DIAPH2: variants seen among roughly 807,000 people sequenced by gnomAD.
DIAPH2 encodes diaphanous related formin 2.
DIAPH2 carries 35 observed loss-of-function variants against 92.7 expected under a neutral mutation model. The ratio of observed to expected loss-of-function variants is 0.38; its 90% CI spans 0.29 to 0.50. The LOEUF is 0.50. Among genes scored for constraint, DIAPH2 ranks in the 20% least tolerant of loss-of-function variants. The pLI is 0.94. For missense variants in DIAPH2, 701 were observed against 819.5 expected (o/e 0.86, Z 1.77); for synonymous variants, 301 against 280.4 (o/e 1.07, Z -0.73).
At chrX:96,945,215 C>G (rs191126173) in intron 13 of DIAPH2, among the ~76,000 whole-genome samples, 1 of 110,841 alleles carries the variant, frequency 9.0e-6, no homozygotes, top group Non-Finnish European at 1.9e-5. Context: ...CACCTCTCCA[C>G]CCATAATAAA....
intron 5 of DIAPH2, among the ~76,000 whole-genome samples, chrX:96,891,540 A>G (rs1298061786): frequency 8.9e-6 from 1 of 112,113 alleles, no homozygotes; most frequent in African/African-American, 3.2e-5. Flanking sequence ...GGACAGTTTT[A>G]TTCCCAGCCA....
chrX:96,802,164 A>G (rs2064587578), intron 4 of DIAPH2, among the ~76,000 whole-genome samples: 1 of 111,779 alleles, frequency 8.9e-6, no homozygotes, highest in Admixed American at 9.6e-5. Flanking sequence ...ACCCAATCCC[A>G]TGTTTGTGAG....
At chrX:97,437,228 GTC>G (rs1298357529) in intron 26 of DIAPH2, among the ~76,000 whole-genome samples, 1 of 111,778 alleles carries the variant, frequency 8.9e-6, no homozygotes, top group Non-Finnish European at 1.9e-5. Context: ...AACTTTCTCA[GTC>G]TCTGTTTTAT....
intron 17 of DIAPH2, among the ~76,000 whole-genome samples, chrX:97,053,037 T>C (rs959768408): frequency 9.0e-6 from 1 of 111,500 alleles, no homozygotes; most frequent in African/African-American, 3.3e-5. Context: ...AATTTTCTTT[T>C]CAGGCCCCAT....
At chrX:96,894,141 A>G (rs1487167153) in intron 5 of DIAPH2, among the ~76,000 whole-genome samples, 3 of 111,840 alleles carry the variant, frequency 2.7e-5, no homozygotes, top group African/African-American at 9.7e-5. Context: ...ATATACCCGA[A>G]ATCAACCTAC....
intron 26 of DIAPH2, among the ~76,000 whole-genome samples, chrX:97,525,945 G>A (rs1046366815): frequency 3.6e-5 from 4 of 111,939 alleles, no homozygotes; most frequent in Non-Finnish European, 1.9e-5. Context: ...GTCATATGCC[G>A]CTTGAGTGTG....
chrX:96,715,931 G>A (rs1238562698), intron 1 of DIAPH2, among the ~76,000 whole-genome samples: 6 of 103,563 alleles, frequency 5.8e-5, no homozygotes, highest in Non-Finnish European at 2.0e-5. Flanking sequence ...TTGTCTTGCA[G>A]TATCCTTCCA....
At chrX:96,903,148 T>A (rs977876828) in intron 5 of DIAPH2, among the ~76,000 whole-genome samples, 17 of 94,203 alleles carry the variant, frequency 1.8e-4, no homozygotes, top group Middle Eastern at 5.2e-3. Context: ...AAAAAAAAAA[T>A]TCACCAATTT....
intron 25 of DIAPH2, among the ~76,000 whole-genome samples, chrX:97,422,578 G>A (rs949856923): frequency 4.5e-5 from 5 of 111,907 alleles, no homozygotes; most frequent in Non-Finnish European, 3.8e-5. Context: ...AACTTTTGCA[G>A]AAAACTTTAA....
At chrX:96,814,834 G>A (rs1393081803) in intron 4 of DIAPH2, among the ~76,000 whole-genome samples, 1 of 111,765 alleles carries the variant, frequency 8.9e-6, no homozygotes, top group Non-Finnish European at 1.9e-5. Flanking sequence ...TGCACACCCT[G>A]TTTGCCTGGG....
chrX:97,268,336 G>A (rs190385896), intron 23 of DIAPH2, among the ~76,000 whole-genome samples: 48 of 112,258 alleles, frequency 4.3e-4, no homozygotes, highest in Admixed American at 1.2e-3. Context: ...ACCTACTTCC[G>A]AAACAATGTG....
intron 24 of DIAPH2, among the ~76,000 whole-genome samples, chrX:97,369,622 C>T (rs960052160): frequency 1.8e-5 from 2 of 110,227 alleles, no homozygotes; most frequent in African/African-American, 3.3e-5. Context: ...AAAGATTACC[C>T]TGAGTTTTCA....
chrX:97,129,089 ATCTTTTCTTT>A (rs771560890), intron 21 of DIAPH2, among the ~76,000 whole-genome samples: 188 of 64,435 alleles, frequency 2.9e-3, no homozygotes, highest in African/African-American at 7.6e-3. Flanking sequence ...TGTCTATACC[ATCTTTTCTTT>A]TCTTTTCTTT....
At chrX:96,936,918 T>G in intron 10 of DIAPH2, among the ~76,000 whole-genome samples, 1 of 111,960 alleles carries the variant, frequency 8.9e-6, no homozygotes, top group Non-Finnish European at 1.9e-5. Flanking sequence ...TTGATTAGTG[T>G]GTTTAGTCAA....
At chrX:97,373,681 A>G (rs2147721399) in intron 24 of DIAPH2, among the ~76,000 whole-genome samples, 1 of 95,706 alleles carries the variant, frequency 1.0e-5, no homozygotes, top group African/African-American at 4.0e-5. Flanking sequence ...GACTCGGCTC[A>G]CTGCAACCTC....
intron 22 of DIAPH2, among the ~76,000 whole-genome samples, chrX:97,246,465 C>T (rs2068143400): frequency 8.9e-6 from 1 of 111,862 alleles, no homozygotes; most frequent in African/African-American, 3.2e-5. Context: ...CTAAATTGGA[C>T]AGAGCTATTT....
chrX:96,906,681 A>C (rs777629972), intron 5 of DIAPH2, among the ~76,000 whole-genome samples: 1 of 112,342 alleles, frequency 8.9e-6, no homozygotes, highest in Non-Finnish European at 1.9e-5. Flanking sequence ...TCTAAAGCTT[A>C]TGCATTTAGC....
At chrX:97,583,804 T>G (rs771814005) in intron 26 of DIAPH2, among the ~76,000 whole-genome samples, 154 of 111,554 alleles carry the variant, frequency 1.4e-3, no homozygotes, top group African/African-American at 4.5e-3. Flanking sequence ...GATCTCAGAC[T>G]GCTGTGCTAG....
chrX:96,770,371 ATTAGT>A (rs1241647850), intron 4 of DIAPH2, among the ~76,000 whole-genome samples: 1 of 111,954 alleles, frequency 8.9e-6, no homozygotes, highest in Non-Finnish European at 1.9e-5. Flanking sequence ...TTGAAGTTTT[ATTAGT>A]TTATTTATAG....
Sources: allele counts gnomAD v4.1 joint callset (sites outside exome capture counted in the v4.1 genomes callset), GRCh38; gene constraint gnomAD v4.1.1; transcripts MANE v1.5; gene names NCBI Gene and HGNC (gene_info 2026-07-23, HGNC 2026-07-21).